Variants in POM121 observed in about 807,000 individuals in gnomAD.
The protein encoded by POM121 is nuclear envelope pore membrane protein POM 121.
A neutral mutation model predicts 81.3 loss-of-function variants in POM121; 32 were observed. That is an observed-to-expected ratio of 0.39 (90% CI 0.30 to 0.53). The LOEUF is 0.53. Among genes scored for constraint, POM121 ranks in the 20% least tolerant of loss-of-function variants. The pLI is 0.66. For missense variants in POM121, 1,138 were observed against 1,614.6 expected (o/e 0.70, Z 5.06); for synonymous variants, 514 against 694.2 (o/e 0.74, Z 4.08).
chr7:72,941,767 CACTGAAAT>C (rs1797094287), intron 10 of POM121, 62 bp from the exon 11 acceptor site: 3 of 1,568,182 alleles, frequency 1.9e-6, no homozygotes, highest in Middle Eastern at 2.4e-4. Context: ...GTGGGGAGGA[CACTGAAAT>C]ACTGAATACC....
At chr7:72,936,183 T>C (rs541304251) in intron 5 of POM121, among the ~76,000 whole-genome samples, 1 of 152,312 alleles carries the variant, frequency 6.6e-6, no homozygotes, top group East Asian at 1.9e-4. Flanking sequence ...CTTTGGCATT[T>C]CTGTTTTTTC....
At chr7:72,928,511 GGC>G in intron 4 of POM121, 46 bp downstream of exon 4, 1 of 1,589,290 alleles carries the variant, frequency 6.3e-7, no homozygotes, top group Non-Finnish European at 8.6e-7. Context: ...TTTGGAAAAA[GGC>G]CTGATCAGAG....
chr7:72,933,051 CA>C (rs1335219609), intron 5 of POM121, among the ~76,000 whole-genome samples: 55 of 95,768 alleles, frequency 5.7e-4, no homozygotes, highest in Admixed American at 1.6e-3. Flanking sequence ...GACTCTGTCT[CA>C]AAAAAAAAAA....
At chr7:72,940,056 T>C in intron 8 of POM121, 88 bp downstream of exon 8, 1 of 1,533,694 alleles carries the variant, frequency 6.5e-7, no homozygotes, top group Non-Finnish European at 8.7e-7. Context: ...TCTGATTTTT[T>C]TTCTAATTTA....
At chr7:72,949,556 C>G (rs1797935065), downstream of POM121, 1 of 733,546 alleles carries the variant, frequency 1.4e-6, no homozygotes, top group Non-Finnish European at 2.4e-6. Flanking sequence ...CCTGTCACAG[C>G]TGACACAGAC....
chr7:72,900,270 T>G (rs558309625), intron 3 of POM121, among the ~76,000 whole-genome samples: 1 of 152,256 alleles, frequency 6.6e-6, no homozygotes, highest in East Asian at 1.9e-4. Context: ...TGCCTAGATT[T>G]GTTTGTAATA....
At chr7:72,895,160 G>C (rs1791815505) in intron 3 of POM121, among the ~76,000 whole-genome samples, 1 of 152,146 alleles carries the variant, frequency 6.6e-6, no homozygotes, top group African/African-American at 2.4e-5. Flanking sequence ...AGCACTTCTT[G>C]CTCTTCCACA....
chr7:72,943,318 G>A lies in POM121; in HGVS notation c.3325G>A (p.Gly1109Arg). ...GGGTTCGGCAGCCCCCGCTGGCAGT[G>A]GGAGCTTTGGGATCAATGTGGCCAC... ...FGGSAAPAGS[G>R]SFGINVATPG... The change falls in exon 11 of 13, where the codon GGG becomes AGG. Residue 1109 changes from glycine to arginine, a missense_variant. Transcript: ENST00000434423. The A allele has an allele frequency of 1.9e-6, 3 of 1,607,328 alleles. No individual in the cohort carries two copies. The highest frequency in any genetic ancestry group is 1.7e-6 in the Non-Finnish European group (2 of 1,177,232).
upstream of POM121, among the ~76,000 whole-genome samples, chr7:72,922,419 C>T (rs1485687734): frequency 6.6e-6 from 1 of 152,146 alleles, no homozygotes; most frequent in Non-Finnish European, 1.5e-5. Context: ...TGGAGTCTCA[C>T]TCTGTTGCCC....
In POM121 at chr7:72,947,857, G is replaced by A; in HGVS notation, c.*1623G>A. 1 of 989,534 alleles carries A rather than the reference G, an allele frequency of 1.0e-6. No individual in the cohort carries two copies. Among genetic ancestry groups the A allele is most frequent in the Non-Finnish European group, 1.2e-6 (1 of 832,218 alleles). The allele number at this position is 989,534 out of a possible 1,614,324, so 61.3% of individuals were successfully genotyped here. ...ATGTAACTGGTGCCCCCTCCCCGAT[G>A]TGACTGAGGGTGAGTGAGTGGTGGC... is the stretch of plus-strand genomic sequence containing the variant. On this transcript the variant is annotated 3_prime_UTR_variant, in exon 13 of 13. Transcript: ENST00000434423.
chr7:72,943,063 A>G lies in POM121; in HGVS notation c.3070A>G (p.Thr1024Ala). ...MIKVVPAYVP[T>A]PIHPIFGGAT... The stretch of plus-strand genomic sequence containing the variant: ...CAAGGTCGTGCCTGCGTACGTGCCT[A>G]CGCCCATCCATCCTATCTTTGGCGG... The change falls in exon 11 of 13, where the codon ACG becomes GCG. Residue 1024 changes from threonine (T) to alanine (A), a missense_variant. Physicochemically the swap from Thr to Ala is moderately conservative, Grantham distance 58. Transcript: ENST00000434423. 1.9e-6 allele frequency: 3 copies of G among 1,613,850 alleles called. No individual in the cohort carries two copies. The highest frequency in any genetic ancestry group is 1.7e-6 in the Non-Finnish European group (2 of 1,179,860).
At chr7:72,902,575 C>T (rs1466449503) in intron 3 of POM121, among the ~76,000 whole-genome samples, 5 of 152,012 alleles carry the variant, frequency 3.3e-5, no homozygotes, top group African/African-American at 1.2e-4. Flanking sequence ...GTCACCCAGG[C>T]TGGAGTGCAG....
At chr7:72,888,031 A>G (rs371708543) in intron 1 of POM121, among the ~76,000 whole-genome samples, 1 of 152,234 alleles carries the variant, frequency 6.6e-6, no homozygotes, top group East Asian at 1.9e-4. Context: ...TCTAATATAT[A>G]TATTTTTTTC....
chr7:72,928,468 A>G lies in POM121; in HGVS notation c.1103+3A>G. On this transcript the variant is annotated splice_donor_region_variant and intron_variant, in intron 4 of 12. Transcript: ENST00000434423. ...GTCCCCGCTTCTTTTGTGCCTAAGT[A>G]AGTGGGAGTCCATCCGGATGAAATA... 1 of 1,613,376 alleles carries G rather than the reference A, an allele frequency of 6.2e-7. No homozygotes were observed. Among genetic ancestry groups the G allele is most frequent in the Middle Eastern group, 1.7e-4 (1 of 6,060 alleles).
At chr7:72,931,854 A>C (rs2129578505) in intron 5 of POM121, among the ~76,000 whole-genome samples, 1 of 152,320 alleles carries the variant, frequency 6.6e-6, no homozygotes, top group Middle Eastern at 3.4e-3. Context: ...TACAGGCATG[A>C]GCCACCACGC....
At position 72,893,187 on chromosome 7, in the gene POM121, T is replaced by C. The variant is rs566250879; in HGVS notation, c.-216+2077T>C. On this transcript the variant is annotated intron_variant, in intron 3 of 15. Transcript: ENST00000395270. Reference sequence around the variant, plus strand: ...TGGCCAGGAGTTCTCTGTTGAACTCTTGGCCTTGTGATCTGCCCACCTCAG... The same window carrying C: ...TGGCCAGGAGTTCTCTGTTGAACTCCTGGCCTTGTGATCTGCCCACCTCAG... Among the ~76,000 whole-genome samples, 133 of 152,042 alleles carry C rather than the reference T, an allele frequency of 8.7e-4. 5 individuals carry two copies. In the South Asian group the frequency reaches 0.027, roughly 30 times the overall value.
At chr7:72,936,484 A>G (rs1304165391) in intron 5 of POM121, among the ~76,000 whole-genome samples, 52 of 150,214 alleles carry the variant, frequency 3.5e-4, no homozygotes, top group Admixed American at 4.0e-4. Context: ...TCACCATGTT[A>G]GCCAGGATGG....
chr7:72,942,277 A>G lies in POM121; in HGVS notation c.2284A>G (p.Thr762Ala). ...AGCGCCCTCCAGCTCCTCCCTCCCC[A>G]CGACCACCAGCACCACAGCCCCGAC... ...ATAPSSSSLP[T>A]TTSTTAPTFQ... The change falls in exon 11 of 13, where the codon ACG becomes GCG. Residue 762 changes from threonine to alanine, a missense_variant. Physicochemically the swap from Thr to Ala is moderately conservative, Grantham distance 58. Coordinates refer to ENST00000434423, the MANE Select transcript of POM121 (RefSeq NM_001387691.1). 1.2e-6 allele frequency: 2 copies of G among 1,605,290 alleles called. No homozygotes were observed. Among genetic ancestry groups the G allele is most frequent in the South Asian group, 2.2e-5 (2 of 90,808 alleles).
At chr7:72,882,408 A>G (rs1554489432) in intron 1 of POM121, among the ~76,000 whole-genome samples, 1 of 152,210 alleles carries the variant, frequency 6.6e-6, no homozygotes, top group African/African-American at 2.4e-5. Context: ...CATTGATTAT[A>G]AGGAGAAACC....
Sources: allele counts gnomAD v4.1 joint callset (sites outside exome capture counted in the v4.1 genomes callset), GRCh38; gene constraint gnomAD v4.1.1; transcripts MANE v1.5; gene names NCBI Gene and HGNC (gene_info 2026-07-23, HGNC 2026-07-21).